The following ATF7 variants were observed in gnomAD, a reference collection of about 807,000 sequenced individuals.
ATF7 encodes the protein activating transcription factor 7, also known as cyclic AMP-dependent transcription factor ATF-7.
Under a neutral mutation model 50.4 loss-of-function variants are expected in ATF7, and 10 were observed. The ratio of observed to expected loss-of-function variants is 0.20; its 90% confidence interval spans 0.12 to 0.34. The LOEUF (loss-of-function observed/expected upper bound fraction) is 0.34. Among genes scored for constraint, ATF7 ranks in the 10% least tolerant of loss-of-function variants. The probability of loss-of-function intolerance (pLI) is 1.00; values close to 1 mark genes in which losing one functional copy is unlikely to be tolerated. For missense variants in ATF7, 465 were observed against 613.9 expected (o/e 0.76, Z 2.56); for synonymous variants, 201 against 226.4 (o/e 0.89, Z 1.01).
intron 3 of ATF7, 93 bp from the exon 4 acceptor site, chr12:53,543,541 T>C (rs1565937174): frequency 3.0e-6 from 4 of 1,334,122 alleles, no homozygotes; most frequent in East Asian, 2.5e-5. Flanking sequence ...TTTGTACTTT[T>C]TGATTTGGAG....
intron 2 of ATF7, among the ~76,000 whole-genome samples, chr12:53,555,911 G>A (rs1399348071): frequency 1.3e-5 from 2 of 152,082 alleles, no homozygotes; most frequent in African/African-American, 4.8e-5. Flanking sequence ...CACCTCCCGG[G>A]TTCAAGCGAT....
intron 1 of ATF7, among the ~76,000 whole-genome samples, chr12:53,611,746 A>G (rs1943889348): frequency 6.6e-6 from 1 of 151,992 alleles, no homozygotes; most frequent in Non-Finnish European, 1.5e-5. Context: ...ATGTGCCACC[A>G]TGACCAGCTA....
rs150767509 is a variant in ATF7, at chr12:53,596,540, C to T, written c.48+4413G>A. Among the ~76,000 whole-genome samples, 874 of 152,218 alleles carry T rather than the reference C, an allele frequency of 5.7e-3. 4 individuals are homozygous for T. Among genetic ancestry groups the T allele is most frequent in the African/African-American group, 0.02 (828 of 41,524 alleles). The stretch of plus-strand genomic sequence containing the variant: ...AATCTGCATAATTTATACTGCAAAC[C>T]TGTGTCATGTGCCTGAGAGGGAGGC... On this transcript the variant is annotated intron_variant, in intron 2 of 11. Coordinates refer to ENST00000420353, the MANE Select transcript of ATF7 (RefSeq NM_006856.3).
At chr12:53,611,215 A>G (rs1943863838) in intron 1 of ATF7, among the ~76,000 whole-genome samples, 1 of 152,190 alleles carries the variant, frequency 6.6e-6, no homozygotes, top group Non-Finnish European at 1.5e-5. Flanking sequence ...TCACACCTGT[A>G]ATCCCGGCAT....
intron 4 of ATF7, among the ~76,000 whole-genome samples, chr12:53,541,892 G>A (rs776661014): frequency 2.0e-5 from 3 of 152,170 alleles, no homozygotes; most frequent in Non-Finnish European, 4.4e-5. Flanking sequence ...CATGATCTCA[G>A]CTCACTGCAA....
chr12:53,522,284 C>T (rs1938169603), intron 11 of ATF7, among the ~76,000 whole-genome samples: 1 of 152,194 alleles, frequency 6.6e-6, no homozygotes, highest in South Asian at 2.1e-4. Flanking sequence ...ATGTGCTGGG[C>T]GCGGTAGCTC....
At chr12:53,614,028 A>G (rs1050900409) in intron 1 of ATF7, among the ~76,000 whole-genome samples, 6 of 152,150 alleles carry the variant, frequency 3.9e-5, no homozygotes, top group African/African-American at 1.4e-4. Flanking sequence ...ATAGTTTTGC[A>G]GCAAATGACT....
intron 2 of ATF7, among the ~76,000 whole-genome samples, chr12:53,556,530 G>C (rs900571156): frequency 3.3e-5 from 5 of 152,214 alleles, no homozygotes; most frequent in Non-Finnish European, 7.3e-5. Flanking sequence ...CCAGGAGGTG[G>C]AGGTTGCAGT....
chr12:53,565,926 A>G (rs1941423481), intron 2 of ATF7, among the ~76,000 whole-genome samples: 1 of 152,322 alleles, frequency 6.6e-6, no homozygotes, highest in South Asian at 2.1e-4. Flanking sequence ...ATGGACTCAC[A>G]GTTCCACATG....
chr12:53,620,147 A>C (rs553222496), intron 1 of ATF7, among the ~76,000 whole-genome samples: 1 of 151,866 alleles, frequency 6.6e-6, no homozygotes, highest in East Asian at 2.0e-4. Flanking sequence ...CTGTCTCAAA[A>C]AAAAACCATG....
chr12:53,581,638 T>C lies in ATF7; in HGVS notation c.48+19315A>G, dbSNP rs75876417. On this transcript the variant is annotated intron_variant, in intron 2 of 11. Coordinates refer to ENST00000420353, the MANE Select transcript of ATF7 (RefSeq NM_006856.3). ...AGAGAAATTAAAAAGTATTTTGAAC[T>C]ACATGAAAATGCAACTTATAAAAAT... Among the ~76,000 whole-genome samples the C allele has an allele frequency of 5.6e-3, 853 of 152,092 alleles. 7 individuals are homozygous for C. Among genetic ancestry groups the C allele is most frequent in the Middle Eastern group, 0.034 (10 of 294 alleles).
chr12:53,589,961 G>A (rs1942873842), intron 2 of ATF7, among the ~76,000 whole-genome samples: 1 of 151,920 alleles, frequency 6.6e-6, no homozygotes, highest in African/African-American at 2.4e-5. Context: ...TAGAGTCAGG[G>A]TCTCGCTTTG....
intron 2 of ATF7, among the ~76,000 whole-genome samples, chr12:53,586,550 T>G (rs1026167556): frequency 6.6e-6 from 1 of 152,172 alleles, no homozygotes; most frequent in Admixed American, 6.5e-5. Context: ...TTGATTCAAA[T>G]AACTATGCCA....
Position 53,521,767 on chromosome 12 carries a change from T to G in ATF7, c.1234+1509A>C, listed in dbSNP as rs191334734. ...AGGGCAGGGATTTAATCTAATTTAT[T>G]TGGTTCCCTATTATATCCCCAGCAT... is the stretch of plus-strand genomic sequence containing the variant. On this transcript the variant is annotated intron_variant, in intron 11 of 11. Coordinates refer to ENST00000420353, the MANE Select transcript of ATF7 (RefSeq NM_006856.3). 7.2e-5 allele frequency among the ~76,000 whole-genome samples: 11 copies of G among 152,342 alleles called. No individual in the cohort carries two copies. In the East Asian group the frequency reaches 2.1e-3, roughly 29 times the overall value.
chr12:53,602,753 T>C (rs1318622645), intron 1 of ATF7, among the ~76,000 whole-genome samples: 1 of 152,254 alleles, frequency 6.6e-6, no homozygotes, highest in Non-Finnish European at 1.5e-5. Context: ...TTCATTCTTC[T>C]TCACACAGCC....
chr12:53,602,627 C>T (rs761110577), intron 1 of ATF7, among the ~76,000 whole-genome samples: 59 of 152,150 alleles, frequency 3.9e-4, no homozygotes, highest in Admixed American at 8.5e-4. Context: ...AGAGCCTATA[C>T]GTACATACAT....
intron 1 of ATF7, among the ~76,000 whole-genome samples, chr12:53,619,677 T>G (rs1161315048): frequency 1.3e-5 from 2 of 151,164 alleles, no homozygotes; most frequent in Non-Finnish European, 2.9e-5. Flanking sequence ...ATGGGCACGG[T>G]GGCGCACATC....
chr12:53,594,764 T>C (rs1020412683), intron 2 of ATF7, among the ~76,000 whole-genome samples: 2 of 151,888 alleles, frequency 1.3e-5, no homozygotes, highest in African/African-American at 4.8e-5. Context: ...TGGTGGGCGC[T>C]TATAGTCCCA....
chr12:53,523,843 A>G (rs1448693059), intron 10 of ATF7, among the ~76,000 whole-genome samples: 3 of 152,200 alleles, frequency 2.0e-5, no homozygotes, highest in Non-Finnish European at 4.4e-5. Context: ...AATGAGGTAG[A>G]TCTCCCATAT....
Sources: allele counts gnomAD v4.1 joint callset (sites outside exome capture counted in the v4.1 genomes callset), GRCh38; gene constraint gnomAD v4.1.1; transcripts MANE v1.5; gene names NCBI Gene and HGNC (gene_info 2026-07-23, HGNC 2026-07-21).